The following SLC25A40 variants were observed in gnomAD, a reference collection of about 807,000 sequenced individuals.
SLC25A40 encodes the protein solute carrier family 25 member 40.
In SLC25A40, 41 loss-of-function variants were observed where a neutral mutation model predicts 46.5. The observed-to-expected ratio is 0.88, with a 90% CI of 0.69 to 1.14. The LOEUF (loss-of-function observed/expected upper bound fraction) is 1.14. SLC25A40 is among the 50% of genes most tolerant of loss of function. SLC25A40 has a pLI of 0.00. For synonymous variants in SLC25A40, 126 were observed against 127.5 expected (o/e 0.99, Z 0.08); for missense variants, 386 against 393.6 (o/e 0.98, Z 0.16).
At chr7:87,859,736 ATATTT>A (rs969534149) in intron 2 of SLC25A40, among the ~76,000 whole-genome samples, 15 of 152,294 alleles carry the variant, frequency 9.8e-5, no homozygotes, top group African/African-American at 3.6e-4. Context: ...GTAGTTAATT[ATATTT>A]ATTTAATCAG....
Position 87,833,616 on chromosome 7 carries a change from T to G in SLC25A40, c.*2633A>C, listed in dbSNP as rs887534193. Reference sequence around the variant, plus strand: ...TAAAAAGTTCATCTTAGAAGAAAATTCAAAAGGGATACAATAAACTTTTCC... The same window carrying G: ...TAAAAAGTTCATCTTAGAAGAAAATGCAAAAGGGATACAATAAACTTTTCC... On this transcript the variant is annotated 3_prime_UTR_variant, in exon 12 of 12. Coordinates refer to ENST00000341119, the MANE Select transcript of SLC25A40 (RefSeq NM_018843.4). 6.6e-6 allele frequency: 1 copy of G among 151,914 alleles called. No individual in the cohort carries two copies. Among genetic ancestry groups the G allele is most frequent in the Non-Finnish European group, 1.5e-5 (1 of 67,904 alleles). 9.4% of individuals were successfully genotyped at this position (151,914 alleles called of 1,614,324 possible).
At chr7:87,848,677 T>A (rs1277170284) in intron 6 of SLC25A40, among the ~76,000 whole-genome samples, 2 of 152,230 alleles carry the variant, frequency 1.3e-5, no homozygotes, top group Non-Finnish European at 2.9e-5. Flanking sequence ...AATGACATAC[T>A]ATTTTAAAAG....
In SLC25A40 at chr7:87,866,600, C is replaced by G. The variant is rs183524439; in HGVS notation, c.-93-5960G>C. Among the ~76,000 whole-genome samples the G allele has an allele frequency of 9.4e-4, 143 of 152,294 alleles. 1 individual carries two copies. Among genetic ancestry groups the G allele is most frequent in the Non-Finnish European group, 1.4e-3 (93 of 68,030 alleles). On this transcript the variant is annotated intron_variant, in intron 1 of 11. Coordinates refer to ENST00000341119, the MANE Select transcript of SLC25A40 (RefSeq NM_018843.4). ...GCCATGGGCGTCCTCTGAGGAGAAACGTCTCCTTATTGCCTTCATGTCTTT... is the reference window on the plus strand; with the variant it reads ...GCCATGGGCGTCCTCTGAGGAGAAAGGTCTCCTTATTGCCTTCATGTCTTT...
chr7:87,870,072 T>C (rs969293077), intron 1 of SLC25A40, among the ~76,000 whole-genome samples: 1 of 152,084 alleles, frequency 6.6e-6, no homozygotes, highest in Non-Finnish European at 1.5e-5. Flanking sequence ...ATAACAATTA[T>C]ATCTTCTTTG....
intron 10 of SLC25A40, 119 bp downstream of exon 10, chr7:87,841,514 T>C (rs897120537): frequency 2.9e-5 from 16 of 555,894 alleles, no homozygotes; most frequent in Middle Eastern, 5.1e-4. Flanking sequence ...TTCAGTAAAA[T>C]ACACAAAGAA....
rs929543060 is a variant in SLC25A40, at chr7:87,837,356, C to CT, written c.824-547dup. 2.7e-3 allele frequency among the ~76,000 whole-genome samples: 413 copies of CT among 150,338 alleles called. 3 individuals carry two copies. The highest frequency in any genetic ancestry group is 9.4e-3 in the African/African-American group (388 of 41,140). ...CATTTTATTGTAAATAGTTTTAAAA[C>CT]TTTTTTTTTCTAAAAGGAGTTTCTG... On this transcript the variant is annotated intron_variant, in intron 10 of 11. Coordinates refer to ENST00000341119, the MANE Select transcript of SLC25A40 (RefSeq NM_018843.4).
At chr7:87,875,418 G>A (rs2131030103) in intron 1 of SLC25A40, among the ~76,000 whole-genome samples, 1 of 152,150 alleles carries the variant, frequency 6.6e-6, no homozygotes, top group Admixed American at 6.5e-5. Flanking sequence ...CTGCAAAACC[G>A]TAACGCTGAT....
At chr7:87,871,730 T>G (rs1174500846) in intron 1 of SLC25A40, among the ~76,000 whole-genome samples, 1 of 152,236 alleles carries the variant, frequency 6.6e-6, no homozygotes, top group African/African-American at 2.4e-5. Flanking sequence ...GCTAAGAATT[T>G]AACCATCTAT....
chr7:87,869,885 C>T (rs763601265), intron 1 of SLC25A40, among the ~76,000 whole-genome samples: 5 of 152,000 alleles, frequency 3.3e-5, no homozygotes, highest in South Asian at 2.1e-4. Flanking sequence ...AAATGTTTTC[C>T]GAAGCCGTTG....
chr7:87,856,887 A>C (rs1275996242), intron 3 of SLC25A40, among the ~76,000 whole-genome samples: 1 of 152,198 alleles, frequency 6.6e-6, no homozygotes, highest in Non-Finnish European at 1.5e-5. Context: ...TATTTTATCC[A>C]AGTAGAAACA....
At chr7:87,841,840 T>A (rs1315746032) in intron 9 of SLC25A40, 126 bp from the exon 10 acceptor site, 1 of 426,074 alleles carries the variant, frequency 2.3e-6, no homozygotes, top group Admixed American at 4.4e-5. Context: ...TAAAATGAAA[T>A]AATATATATA....
At position 87,841,133 on chromosome 7, in the gene SLC25A40, ATGTGTGTGTGTGTG is replaced by A. The variant is rs561277692; in HGVS notation, c.823+486_823+499del. Among the ~76,000 whole-genome samples the A allele has an allele frequency of 2.8e-5, 4 of 142,964 alleles. No individual in the cohort carries two copies. The East Asian group carries it at 8.0e-4, about 29-fold the overall frequency. 93.8% of individuals were successfully genotyped at this position (142,964 alleles called of 152,430 possible). Reference sequence around the variant, plus strand: ...AATTACAAGAAAGCTTAAAAACAAAATGTGTGTGTGTGTGTGTGTGTGTGTGTATATATATATAT... The same window carrying A: ...AATTACAAGAAAGCTTAAAAACAAAATGTGTGTGTGTGTATATATATATAT... On this transcript the variant is annotated intron_variant, in intron 10 of 11. Transcript: ENST00000341119.
intron 9 of SLC25A40, 197 bp from the exon 10 acceptor site, chr7:87,841,911 G>A: frequency 3.1e-6 from 1 of 326,056 alleles, no homozygotes; most frequent in East Asian, 6.5e-5. Flanking sequence ...AAAGTAAAAA[G>A]CCTCAGAAAA....
rs756056959 is a variant in SLC25A40 at position 87,849,882 on chromosome 7, G to A, written c.331C>T (p.Leu111=). ...AAAAAACATTAAATTTCAACTTACA[G>A]GGTAGGAGGAAGGCCACTCCATAGA... is the stretch of plus-strand genomic sequence containing the variant. ...KSLWSGLPPT[L]VMAVPATVIY... The change falls in exon 6 of 12, where the codon CTA becomes TTA. Residue 111 remains leucine, a splice_region_variant and synonymous_variant. Transcript: ENST00000341119. 2 of 1,584,744 alleles carry A rather than the reference G, an allele frequency of 1.3e-6. No homozygotes were observed. Among genetic ancestry groups the A allele is most frequent in the Non-Finnish European group, 1.7e-6 (2 of 1,164,788 alleles).
chr7:87,867,350 T>C (rs937274196), intron 1 of SLC25A40, among the ~76,000 whole-genome samples: 5 of 152,344 alleles, frequency 3.3e-5, no homozygotes, highest in South Asian at 2.1e-4. Flanking sequence ...AGCTCACTGA[T>C]TGTTTTCTCT....
chr7:87,836,232 A>G lies in SLC25A40; in HGVS notation c.*17T>C. ...CTTCTTTGGCTATAGTTGTTGTTTC[A>G]AGTTGAAACAGCATCACTAGTATTG... On this transcript the variant is annotated 3_prime_UTR_variant, in exon 12 of 12. Coordinates refer to ENST00000341119, the MANE Select transcript of SLC25A40 (RefSeq NM_018843.4). 2 of 1,508,436 alleles carry G rather than the reference A, an allele frequency of 1.3e-6. No homozygotes were observed. The highest frequency in any genetic ancestry group is 1.8e-6 in the Non-Finnish European group (2 of 1,104,606). The allele number at this position is 1,508,436 out of a possible 1,614,324, so 93.4% of individuals were successfully genotyped here. A position where few individuals can be genotyped will look rare whatever the true frequency, so the allele number is the denominator to read the frequency against.
rs746577980 is a variant in SLC25A40, at chr7:87,836,293, T to G, written c.973A>C (p.Lys325Gln). 4.4e-6 allele frequency: 7 copies of G among 1,586,482 alleles called. No homozygotes were observed. The South Asian group carries it at 8.1e-5, about 18-fold the overall frequency. ...ACATTTTGTTTCTGGAAAAAAGCCT[T>G]TCCAAATTCATATGTACTGATCATA... ...AIMISTYEFG[K>Q]AFFQKQNVRR... The change falls in exon 12 of 12, where the codon AAG becomes CAG. Residue 325 changes from lysine to glutamine, a missense_variant. Lys to Gln is a moderately conservative substitution (Grantham distance 53, BLOSUM62 1). Transcript: ENST00000341119.
chr7:87,849,436 C>A (rs1838473618), intron 6 of SLC25A40, among the ~76,000 whole-genome samples: 1 of 152,190 alleles, frequency 6.6e-6, no homozygotes, highest in African/African-American at 2.4e-5. Flanking sequence ...CTCATCACAA[C>A]TGGCCTAAAA....
At position 87,856,285 on chromosome 7, in the gene SLC25A40, C is replaced by T. The variant is rs756728453; in HGVS notation, c.157+7G>A. 1.9e-6 allele frequency: 3 copies of T among 1,605,090 alleles called. No individual in the cohort carries two copies. Among genetic ancestry groups the T allele is most frequent in the East Asian group, 2.2e-5 (1 of 44,620 alleles). On this transcript the variant is annotated splice_region_variant and intron_variant, in intron 4 of 11. Transcript: ENST00000341119. Reference sequence around the variant, plus strand: ...CATAACATTTTTAGGGCAATTAGTACACATACCTTTGGGGAGTGGGTTGTT... The same window carrying T: ...CATAACATTTTTAGGGCAATTAGTATACATACCTTTGGGGAGTGGGTTGTT...
Sources: allele counts gnomAD v4.1 joint callset (sites outside exome capture counted in the v4.1 genomes callset), GRCh38; gene constraint gnomAD v4.1.1; transcripts MANE v1.5; gene names NCBI Gene and HGNC (gene_info 2026-07-23, HGNC 2026-07-21).